ZNF782: variants seen among roughly 807,000 people sequenced by gnomAD.
The protein encoded by ZNF782 is zinc finger protein 782.
ZNF782 carries 12 observed loss-of-function variants against 13.0 expected under a neutral mutation model. The observed-to-expected ratio is 0.92, with a 90% CI of 0.59 to 1.50. The LOEUF (loss-of-function observed/expected upper bound fraction) is 1.50, where lower values mean the gene tolerates loss of function less well. Ranked by LOEUF, ZNF782 falls within the 40% of genes most tolerant of loss-of-function variation. ZNF782 has a pLI of 0.00. For missense variants in ZNF782, 770 were observed against 822.9 expected, an observed-to-expected ratio of 0.94 and a Z score of 0.79; for synonymous variants, 284 against 283.0, an observed-to-expected ratio of 1.00 and a Z score of -0.04.
At chr9:96,906,921 CA>C in the ZNF782 span, among the ~76,000 whole-genome samples, 2 of 152,160 alleles carry the variant, frequency 1.3e-5, no homozygotes, top group East Asian at 3.9e-4. Context: ...AACTCATTAG[CA>C]CACAAAAAGA....
the ZNF782 span, chr9:96,931,963 G>T: frequency 6.2e-7 from 1 of 1,611,798 alleles, no homozygotes; most frequent in Non-Finnish European, 8.5e-7. Flanking sequence ...TCCAGATGAG[G>T]ACAGAAGTGG....
At chr9:96,873,934 T>C (rs1207842699) in intron 1 of ZNF782, among the ~76,000 whole-genome samples, 1 of 152,234 alleles carries the variant, frequency 6.6e-6, no homozygotes, top group Non-Finnish European at 1.5e-5. Context: ...GTTTGATATC[T>C]GGGAAAGATT....
In ZNF782 at chr9:96,831,643, G is replaced by A. The variant is rs988195979; in HGVS notation, c.143-4462C>T. Among the ~76,000 whole-genome samples, 6 of 151,902 alleles carry A rather than the reference G, an allele frequency of 3.9e-5. No individual in the cohort carries two copies. The East Asian group carries it at 1.2e-3, about 30-fold the overall frequency. On this transcript the variant is annotated intron_variant, in intron 4 of 5. Transcript: ENST00000481138. ...CAGGAGAATGGCATGAACCCAGGAGGTGGAGGTTGCAGTGAGCTGAGATAG... is the reference window on the plus strand; with the variant it reads ...CAGGAGAATGGCATGAACCCAGGAGATGGAGGTTGCAGTGAGCTGAGATAG...
chr9:96,888,148 C>A, the ZNF782 span: 9 of 149,058 alleles, frequency 6.0e-5, no homozygotes, highest in East Asian at 1.8e-3. Context: ...TGCACATGTA[C>A]CCTAAAACTT....
chr9:96,911,907 G>A, the ZNF782 span, among the ~76,000 whole-genome samples: 1 of 151,964 alleles, frequency 6.6e-6, no homozygotes, highest in Non-Finnish European at 1.5e-5. Flanking sequence ...ATATGATTTG[G>A]TTAAAAAGGC....
chr9:96,844,523 G>A (rs1267183675), intron 4 of ZNF782, among the ~76,000 whole-genome samples: 2 of 152,100 alleles, frequency 1.3e-5, no homozygotes, highest in Admixed American at 6.5e-5. Context: ...TGAAATTTGA[G>A]AAAAGGCAAA....
chr9:96,863,590 G>T (rs1851729246), intron 1 of ZNF782, among the ~76,000 whole-genome samples: 1 of 152,298 alleles, frequency 6.6e-6, no homozygotes, highest in Non-Finnish European at 1.5e-5. Context: ...ATTTGCAATT[G>T]CAAAAATATG....
chr9:96,822,781 C>G (rs905204135), intron 5 of ZNF782, among the ~76,000 whole-genome samples: 2 of 151,870 alleles, frequency 1.3e-5, no homozygotes, highest in Non-Finnish European at 2.9e-5. Flanking sequence ...TGTTTTTTAT[C>G]TTTGAAATTT....
At chr9:96,926,984 C>G in the ZNF782 span, among the ~76,000 whole-genome samples, 1 of 152,152 alleles carries the variant, frequency 6.6e-6, no homozygotes, top group Non-Finnish European at 1.5e-5. Context: ...GCTCTGAGTA[C>G]TCACTCCTCA....
intron 1 of ZNF782, among the ~76,000 whole-genome samples, chr9:96,864,622 A>G (rs1374785097): frequency 6.6e-6 from 1 of 152,032 alleles, no homozygotes; most frequent in East Asian, 1.9e-4. Flanking sequence ...AAACCAAGAA[A>G]CCAAATGTGT....
chr9:96,828,716 A>T (rs940025394), intron 4 of ZNF782, among the ~76,000 whole-genome samples: 2 of 152,214 alleles, frequency 1.3e-5, no homozygotes, highest in Non-Finnish European at 2.9e-5. Context: ...GTAGTCTAAC[A>T]TATATGTAAT....
intron 5 of ZNF782, among the ~76,000 whole-genome samples, chr9:96,822,541 C>T (rs1299244979): frequency 1.3e-5 from 2 of 152,176 alleles, no homozygotes; most frequent in Non-Finnish European, 1.5e-5. Flanking sequence ...AGTAATAGTG[C>T]TTTCCCCCTT....
intron 4 of ZNF782, among the ~76,000 whole-genome samples, chr9:96,835,139 A>AT (rs1564003181): frequency 2.6e-5 from 4 of 152,226 alleles, no homozygotes; most frequent in Non-Finnish European, 5.9e-5. Context: ...TGGAAGGCAG[A>AT]ACTTAAGAGT....
chr9:96,827,040 G>C (rs374130819), intron 5 of ZNF782, 40 bp downstream of exon 5: 15 of 1,378,722 alleles, frequency 1.1e-5, no homozygotes, highest in Non-Finnish European at 1.4e-5. Context: ...TACTCCTAGT[G>C]AATCAGAGAA....
the ZNF782 span, among the ~76,000 whole-genome samples, chr9:96,917,676 C>T: frequency 4.0e-5 from 6 of 151,452 alleles, no homozygotes; most frequent in South Asian, 2.1e-4. Context: ...ATGATCCACC[C>T]GCCTCAGCCT....
chr9:96,847,491 C>T (rs189985943), intron 3 of ZNF782, among the ~76,000 whole-genome samples: 3 of 152,136 alleles, frequency 2.0e-5, no homozygotes, highest in East Asian at 1.9e-4. Context: ...ACATTACAAC[C>T]GACACCACAG....
At position 96,816,676 on chromosome 9, in the gene ZNF782, GA is replaced by G. The variant is rs1850181248; in HGVS notation, c.*1246del. The stretch of plus-strand genomic sequence containing the variant: ...CTGATATAAAATATGATAATTTGTT[GA>G]AAACTTTTACACATTCAAAACTAAA... On this transcript the variant is annotated 3_prime_UTR_variant, in exon 6 of 6. Coordinates refer to ENST00000481138, the MANE Select transcript of ZNF782 (RefSeq NM_001001662.3). 6.6e-6 allele frequency: 1 copy of G among 152,100 alleles called. No homozygotes were observed. Among genetic ancestry groups the G allele is most frequent in the Non-Finnish European group, 1.5e-5 (1 of 68,024 alleles). The allele number at this position is 152,100 out of a possible 1,614,324, so 9.4% of individuals were successfully genotyped here. A position where few individuals can be genotyped will look rare whatever the true frequency, so the allele number is the denominator to read the frequency against.
chr9:96,912,198 GAAAAAA>G, the ZNF782 span, among the ~76,000 whole-genome samples: 1 of 56,764 alleles, frequency 1.8e-5, no homozygotes, highest in Non-Finnish European at 3.9e-5. Context: ...ACTCCGTCTC[GAAAAAA>G]AAAAAAAAAA....
At chr9:96,878,330 G>A (rs1046162476), upstream of ZNF782, among the ~76,000 whole-genome samples, 1 of 152,228 alleles carries the variant, frequency 6.6e-6, no homozygotes, top group African/African-American at 2.4e-5. Flanking sequence ...GATTACAGGC[G>A]TGAGCCACCG....
Sources: gnomAD v4.1 joint callset for allele counts (sites outside exome capture counted in the v4.1 genomes callset) on GRCh38, gnomAD v4.1.1 for gene constraint, MANE v1.5 for transcripts, NCBI Gene and HGNC (gene_info 2026-07-23, HGNC 2026-07-21) for gene names.